The following MIIP variants were observed in gnomAD, a reference collection of about 807,000 sequenced individuals.
The protein encoded by MIIP is migration and invasion-inhibitory protein.
In MIIP, 44 loss-of-function variants were observed where a neutral mutation model predicts 44.8. The ratio of observed to expected loss-of-function variants is 0.98; its 90% CI spans 0.77 to 1.26. The LOEUF (loss-of-function observed/expected upper bound fraction) is 1.26. Among genes scored for constraint, MIIP ranks in the 50% most tolerant of loss-of-function variants. The probability of loss-of-function intolerance (pLI) is 0.00; values close to 1 mark genes in which losing one functional copy is unlikely to be tolerated. For missense variants in MIIP, 496 were observed against 511.7 expected, an observed-to-expected ratio of 0.97 and a Z score of 0.30; for synonymous variants, 225 against 218.3, an observed-to-expected ratio of 1.03 and a Z score of -0.27.
chr1:12,023,472 C>T (rs905709177), intron 4 of MIIP, among the ~76,000 whole-genome samples: 1 of 149,940 alleles, frequency 6.7e-6, no homozygotes. Flanking sequence ...GGCGCAATCT[C>T]GGCTCACTGC....
intron 8 of MIIP, 174 bp from the exon 9 acceptor site, chr1:12,031,092 A>G: frequency 1.4e-6 from 1 of 739,018 alleles, no homozygotes; most frequent in Non-Finnish European, 2.2e-6. Context: ...GGATGGCTGG[A>G]TCTGCCAGGA....
Position 12,022,848 on chromosome 1 carries a change from T to C in MIIP, c.478T>C (p.Ser160Pro), listed in dbSNP as rs1448749857. Residue 160 changes from serine to proline, a missense_variant, in exon 4 of 10, where the codon TCT (serine) becomes CCT (proline). Transcript: ENST00000235332. ...CCTTCCTCAGCCCAGGGTGACCTTC[T>C]CTGAGGAGTCTGCAGTTCCTAAGAG... ...SKLSKPRVTF[S>P]EESAVPKRSW... is the part of the protein sequence containing the mutation. The C allele has an allele frequency of 6.2e-7, 1 of 1,606,240 alleles. No individual in the cohort carries two copies. The highest frequency in any genetic ancestry group is 8.5e-7 in the Non-Finnish European group (1 of 1,175,920).
intron 9 of MIIP, 123 bp from the exon 10 acceptor site, chr1:12,031,599 C>A: frequency 1.2e-6 from 2 of 1,610,324 alleles, no homozygotes; most frequent in Non-Finnish European, 1.7e-6. Context: ...CTCCCTGCCG[C>A]CTGCCCTGCT....
At chr1:12,020,379 G>A (rs1347239225) in intron 1 of MIIP, among the ~76,000 whole-genome samples, 1 of 152,204 alleles carries the variant, frequency 6.6e-6, no homozygotes, top group Non-Finnish European at 1.5e-5. Context: ...GGAGGTTGCA[G>A]TGAGCCAAGA....
intron 4 of MIIP, among the ~76,000 whole-genome samples, chr1:12,024,385 T>G (rs1456709681): frequency 1.3e-5 from 2 of 152,222 alleles, no homozygotes; most frequent in Non-Finnish European, 2.9e-5. Flanking sequence ...GTATGTGTGT[T>G]TGTGTAAATA....
Position 12,029,886 on chromosome 1 carries a change from G to C in MIIP, c.837G>C (p.Ala279=). Residue 279 remains alanine, a synonymous_variant, in exon 7 of 10, where the codon GCG becomes GCC. Coordinates refer to ENST00000235332, the MANE Select transcript of MIIP (RefSeq NM_021933.4). ...QQGPGTLAQP[A]HVRVSIPLSI... ...GCCCTGGGACCCTGGCGCAGCCAGC[G>C]CACGTCAGGTGAGTGACCAGAGTAT... The C allele has an allele frequency of 6.2e-7, 1 of 1,612,812 alleles. No individual in the cohort carries two copies. Among genetic ancestry groups the C allele is most frequent in the Non-Finnish European group, 8.5e-7 (1 of 1,179,262 alleles).
intron 4 of MIIP, among the ~76,000 whole-genome samples, chr1:12,025,680 C>T (rs1413347103): frequency 1.3e-5 from 2 of 152,132 alleles, no homozygotes; most frequent in African/African-American, 2.4e-5. Context: ...GATGTGACCT[C>T]CCGTCTTTCT....
chr1:12,023,017 G>T, intron 4 of MIIP, 100 bp downstream of exon 4: 1 of 891,586 alleles, frequency 1.1e-6, no homozygotes. Flanking sequence ...CGGTGCTGTT[G>T]CTTGTTTCTC....
At chr1:12,028,023 A>G (rs1402238894) in intron 4 of MIIP, among the ~76,000 whole-genome samples, 2 of 152,258 alleles carry the variant, frequency 1.3e-5, no homozygotes, top group Middle Eastern at 6.8e-3. Context: ...CCTGGCCAAG[A>G]TGGTGAAACC....
intron 4 of MIIP, 142 bp downstream of exon 4, chr1:12,023,059 CTTTTTTTTTTTTTT>C: frequency 5.7e-6 from 2 of 352,962 alleles, no homozygotes; most frequent in Non-Finnish European, 1.0e-5. Flanking sequence ...GGAGCACCCT[CTTTTTTTTTTTTTT>C]TTTTTTTTGA....
intron 6 of MIIP, chr1:12,029,555 G>A (rs1051252863): frequency 1.4e-6 from 1 of 734,124 alleles, no homozygotes; most frequent in Non-Finnish European, 2.2e-6. Context: ...CTCCATCCCA[G>A]CTCCTGAGGG....
Position 12,022,281 on chromosome 1 carries a change from C to A in MIIP, c.301C>A (p.Gln101Lys). Residue 101 changes from glutamine (Q) to lysine (K), a missense_variant, in exon 3 of 10, where the codon CAG (glutamine) becomes AAG (lysine). Coordinates refer to ENST00000235332, the MANE Select transcript of MIIP (RefSeq NM_021933.4). Reference sequence around the variant, plus strand: ...GGCCTCTCTCCCACCTGCCAAATGCCAGCACCAGGAGTCCCTGGGCCGACC... The same window carrying A: ...GGCCTCTCTCCCACCTGCCAAATGCAAGCACCAGGAGTCCCTGGGCCGACC... ...GVASLPPAKCQHQESLGRPRP... is the reference protein window; with the variant it reads ...GVASLPPAKCKHQESLGRPRP... 3.1e-6 allele frequency: 5 copies of A among 1,613,920 alleles called. No homozygotes were observed. In the East Asian group the frequency reaches 1.1e-4, roughly 36 times the overall value.
chr1:12,021,844 C>A lies in MIIP; in HGVS notation c.114+4C>A. ...AGTGGCCAGGGCAGCCTCGGAGGTG[C>A]GTGCCCGCCTTGGGAACCCCAGAGG... On this transcript the variant is annotated splice_donor_region_variant and intron_variant, in intron 2 of 9. Transcript: ENST00000235332. 6.3e-7 allele frequency: 1 copy of A among 1,595,346 alleles called. No homozygotes were observed. The highest frequency in any genetic ancestry group is 1.1e-5 in the South Asian group (1 of 89,282).
chr1:12,019,894 G>A (rs1639933150), intron 1 of MIIP, among the ~76,000 whole-genome samples: 1 of 152,264 alleles, frequency 6.6e-6, no homozygotes, highest in South Asian at 2.1e-4. Context: ...GCCAGTTAGG[G>A]GTGGGGGCCG....
In MIIP at chr1:12,031,745, C is replaced by T. The variant is rs1258930225; in HGVS notation, c.1104C>T (p.Pro368=). ...AGGCCTCACCAATGCAGATGCTGCC[C>T]CCGACCCCGACCTGGTCAGTGCCCC... ...FHPASPMQML[P]PTPTWSVPQV... Residue 368 remains proline, a synonymous_variant, in exon 10 of 10, where the codon CCC becomes CCT. Coordinates refer to ENST00000235332, the MANE Select transcript of MIIP (RefSeq NM_021933.4). The T allele has an allele frequency of 1.2e-6, 2 of 1,614,076 alleles. No homozygotes were observed. The highest frequency in any genetic ancestry group is 2.2e-5 in the East Asian group (1 of 44,890).
At chr1:12,025,195 T>C (rs138671559) in intron 4 of MIIP, among the ~76,000 whole-genome samples, 2 of 151,448 alleles carry the variant, frequency 1.3e-5, no homozygotes, top group African/African-American at 2.4e-5. Context: ...GAGTAGCAGG[T>C]ATTACAGGTG....
At chr1:12,022,006 G>A in intron 2 of MIIP, 89 bp from the exon 3 acceptor site, 3 of 1,442,042 alleles carry the variant, frequency 2.1e-6, no homozygotes, top group South Asian at 1.3e-5. Flanking sequence ...GGCCGGAGCA[G>A]GATGAGGATG....
intron 4 of MIIP, among the ~76,000 whole-genome samples, chr1:12,027,707 A>G (rs892282843): frequency 6.6e-6 from 1 of 152,084 alleles, no homozygotes; most frequent in Non-Finnish European, 1.5e-5. Flanking sequence ...TCTCCTCCGA[A>G]TTCCAGACTT....
In MIIP at chr1:12,031,951, TCTGCTGCCTGAGTTCC is replaced by T. The variant is rs957016007; in HGVS notation, c.*144_*159del. The T allele has an allele frequency of 5.3e-6, 4 of 751,062 alleles. No individual in the cohort carries two copies. Among genetic ancestry groups the T allele is most frequent in the Non-Finnish European group, 8.7e-6 (4 of 461,356 alleles). The allele number at this position is 751,062 out of a possible 1,614,324, so 46.5% of individuals were successfully genotyped here. ...GGGCAGGTGGGTGGACCCAAGCTTG[TCTGCTGCCTGAGTTCC>T]AGAGAGGGAGGACCCTGGGGTGGAG... On this transcript the variant is annotated 3_prime_UTR_variant, in exon 10 of 10. Coordinates refer to ENST00000235332, the MANE Select transcript of MIIP (RefSeq NM_021933.4).
Sources: gnomAD v4.1 joint callset for allele counts (sites outside exome capture counted in the v4.1 genomes callset) on GRCh38, gnomAD v4.1.1 for gene constraint, MANE v1.5 for transcripts, NCBI Gene and HGNC (gene_info 2026-07-23, HGNC 2026-07-21) for gene names.